The following ANKRD36B variants were observed in gnomAD, a reference collection of about 807,000 sequenced individuals.
ANKRD36B encodes the protein ankyrin repeat domain 36B.
In ANKRD36B, 37 loss-of-function variants were observed where a neutral mutation model predicts 135.7. The ratio of observed to expected loss-of-function variants is 0.27; its 90% CI spans 0.21 to 0.36. The LOEUF is 0.36. ANKRD36B is among the 10% of genes least tolerant of loss of function. The pLI is 1.00. For missense variants in ANKRD36B, 549 were observed against 1,037.1 expected, an observed-to-expected ratio of 0.53 and a Z score of 6.46; for synonymous variants, 179 against 348.1, an observed-to-expected ratio of 0.51 and a Z score of 5.41.
At chr2:97,586,550 A>G (rs1490040545) in intron 1 of ANKRD36B, among the ~76,000 whole-genome samples, 2 of 152,236 alleles carry the variant, frequency 1.3e-5, no homozygotes, top group African/African-American at 4.8e-5. Flanking sequence ...TGTCTGCTAC[A>G]TAATAGGTAT....
intron 5 of ANKRD36B, among the ~76,000 whole-genome samples, chr2:97,578,254 A>T (rs1230265423): frequency 1.3e-5 from 2 of 152,070 alleles, no homozygotes; most frequent in African/African-American, 4.8e-5. Flanking sequence ...AACAGTTGTA[A>T]CTTTGAAGCC....
chr2:97,536,260 G>A, intron 34 of ANKRD36B, 40 bp downstream of exon 34: 1 of 760,366 alleles, frequency 1.3e-6, no homozygotes, highest in Non-Finnish European at 2.1e-6. Flanking sequence ...ACAGATTAAT[G>A]TACTTCTTTC....
At chr2:97,571,784 T>A (rs1324247029) in intron 6 of ANKRD36B, among the ~76,000 whole-genome samples, 2 of 152,084 alleles carry the variant, frequency 1.3e-5, no homozygotes, top group Non-Finnish European at 1.5e-5. Flanking sequence ...GTTTCTAATC[T>A]TTTTTCTTAA....
intron 35 of ANKRD36B, among the ~76,000 whole-genome samples, chr2:97,526,739 G>A (rs1355487975): frequency 1.0e-5 from 1 of 97,258 alleles, no homozygotes; most frequent in Non-Finnish European, 2.7e-5. Context: ...GCGGAGGCTC[G>A]AGAACTACGT....
chr2:97,521,509 C>A (rs2077943679), intron 36 of ANKRD36B, among the ~76,000 whole-genome samples: 1 of 60,930 alleles, frequency 1.6e-5, no homozygotes, highest in Admixed American at 1.4e-4. Context: ...TTCATATTTA[C>A]CTTGTACACA....
chr2:97,545,021 C>T (rs2079336891), intron 24 of ANKRD36B, among the ~76,000 whole-genome samples: 1 of 95,064 alleles, frequency 1.1e-5, no homozygotes, highest in South Asian at 2.4e-4. Context: ...AGTAATGAGT[C>T]ACTGTGGTTT....
chr2:97,569,555 G>GGGT (rs1227845155), intron 6 of ANKRD36B, among the ~76,000 whole-genome samples: 1 of 150,894 alleles, frequency 6.6e-6, no homozygotes, highest in Admixed American at 6.6e-5. Context: ...TATGGACTTT[G>GGGT]GATGATTATG....
At chr2:97,553,023 T>C (rs1413233275) in intron 16 of ANKRD36B, 145 bp downstream of exon 16, 3 of 976,334 alleles carry the variant, frequency 3.1e-6, no homozygotes, top group Non-Finnish European at 3.1e-6. Context: ...CAATAATTTA[T>C]TACAAATGAA....
chr2:97,577,761 T>C (rs1189524000), intron 5 of ANKRD36B, among the ~76,000 whole-genome samples: 2 of 149,484 alleles, frequency 1.3e-5, no homozygotes, highest in East Asian at 2.0e-4. Context: ...TTTTATAAAC[T>C]TGAGATACTG....
At chr2:97,571,455 G>A (rs1240619308) in intron 6 of ANKRD36B, among the ~76,000 whole-genome samples, 1 of 152,040 alleles carries the variant, frequency 6.6e-6, no homozygotes, top group African/African-American at 2.4e-5. Flanking sequence ...AGACCATCCT[G>A]GCTAACACAG....
At chr2:97,560,496 A>G (rs1011407185) in intron 8 of ANKRD36B, among the ~76,000 whole-genome samples, 169 bp downstream of exon 8, 3 of 151,850 alleles carry the variant, frequency 2.0e-5, no homozygotes, top group African/African-American at 7.2e-5. Flanking sequence ...GATCATGACC[A>G]AGGACCAGCA....
In ANKRD36B at chr2:97,547,543, A is replaced by T; in HGVS notation, c.1572T>A (p.Thr524=). The T allele has an allele frequency of 6.5e-7, 1 of 1,542,708 alleles. No individual in the cohort carries two copies. The highest frequency in any genetic ancestry group is 8.9e-7 in the Non-Finnish European group (1 of 1,128,964). ...ATCTCTTTTCAAAATTACCTCTCCT[A>T]GTTTTTTCTCCATCTTTTTTTCCTC... ...IARGKKDGEK[T]RRVSSHKQPS... The change falls in exon 22 of 44, where the codon ACT becomes ACA. Residue 524 remains threonine, a synonymous_variant. Transcript: ENST00000359901.
intron 10 of ANKRD36B, among the ~76,000 whole-genome samples, chr2:97,557,616 G>A (rs1384309290): frequency 2.0e-5 from 3 of 151,794 alleles, no homozygotes; most frequent in Non-Finnish European, 4.4e-5. Context: ...CACTTTAGTA[G>A]AATGTACACT....
rs1341481274 is a variant in ANKRD36B, at chr2:97,584,929, T to C, written c.450+15A>G. The C allele has an allele frequency of 1.9e-6, 3 of 1,544,220 alleles. No individual in the cohort carries two copies. Among genetic ancestry groups the C allele is most frequent in the African/African-American group, 1.5e-5 (1 of 67,690 alleles). ...CATTTCAGATAGTTTGAAAATAACATTGGTTGACCTATACCTTGCTGCATT... is the reference window on the plus strand; with the variant it reads ...CATTTCAGATAGTTTGAAAATAACACTGGTTGACCTATACCTTGCTGCATT... On this transcript the variant is annotated intron_variant, in intron 3 of 43. Transcript: ENST00000359901.
chr2:97,541,786 T>C, intron 28 of ANKRD36B, 125 bp downstream of exon 28: 1 of 838,556 alleles, frequency 1.2e-6, no homozygotes, highest in Admixed American at 2.5e-5. Context: ...TTATTACAAA[T>C]GAAGAATCTC....
At position 97,585,313 on chromosome 2, in the gene ANKRD36B, C is replaced by T. The variant is rs750175150; in HGVS notation, c.247G>A (p.Asp83Asn). The T allele has an allele frequency of 5.1e-6, 8 of 1,575,804 alleles. No homozygotes were observed. The African/African-American group carries it at 1.1e-4, about 21-fold the overall frequency. ...VSRRCELNLCDREDRTPLIKA... is the reference protein window; with the variant it reads ...VSRRCELNLCNREDRTPLIKA... ...ATCAGAGGTGTCCTGTCTTCACGGT[C>T]GCAGAGGTTAAGCTCACATCTTCTG... The change falls in exon 2 of 44, where the codon GAC becomes AAC. Residue 83 changes from aspartate (D) to asparagine (N), a missense_variant. Asp to Asn is a conservative substitution (Grantham distance 23). Coordinates refer to ENST00000359901, the MANE Select transcript of ANKRD36B (RefSeq NM_001393939.1).
rs1174528561 is a variant in ANKRD36B, at chr2:97,530,280, C to A, written c.2265+2031G>T. Among the ~76,000 whole-genome samples, 4 of 94,872 alleles carry A rather than the reference C, an allele frequency of 4.2e-5. 1 individual carries two copies. Among genetic ancestry groups the A allele is most frequent in the Non-Finnish European group, 1.1e-4 (4 of 35,900 alleles). 62.2% of individuals were successfully genotyped at this position (94,872 alleles called of 152,430 possible). A position where few individuals can be genotyped will look rare whatever the true frequency, so the allele number is the denominator to read the frequency against. On this transcript the variant is annotated intron_variant, in intron 35 of 43. Coordinates refer to ENST00000359901, the MANE Select transcript of ANKRD36B (RefSeq NM_001393939.1). ...TCTACAACTATCTGATCTTTGACAA[C>A]CCTGAGAAAAACAAGCAACGGGGAA... is the stretch of plus-strand genomic sequence containing the variant.
intron 6 of ANKRD36B, among the ~76,000 whole-genome samples, chr2:97,564,786 T>C (rs1457144375): frequency 6.6e-6 from 1 of 152,198 alleles, no homozygotes; most frequent in African/African-American, 2.4e-5. Flanking sequence ...CCTTGTAGTA[T>C]AGTTTGAATC....
Position 97,557,140 on chromosome 2 carries a change from G to C in ANKRD36B, c.968-8C>G. On this transcript the variant is annotated splice_polypyrimidine_tract_variant and splice_region_variant and intron_variant, in intron 10 of 43. Transcript: ENST00000359901. ...ATTGTTTCTGAGGAGACACTGAAAA[G>C]TAAAAGAAATATATAATTCATCATA... The C allele has an allele frequency of 6.6e-7, 1 of 1,524,638 alleles. No homozygotes were observed. The highest frequency in any genetic ancestry group is 8.8e-7 in the Non-Finnish European group (1 of 1,133,922). The allele number at this position is 1,524,638 out of a possible 1,614,324, so 94.4% of individuals were successfully genotyped here. A position where few individuals can be genotyped will look rare whatever the true frequency, so the allele number is the denominator to read the frequency against.
Sources: gnomAD v4.1 joint callset for allele counts (sites outside exome capture counted in the v4.1 genomes callset) on GRCh38, gnomAD v4.1.1 for gene constraint, MANE v1.5 for transcripts, NCBI Gene and HGNC (gene_info 2026-07-23, HGNC 2026-07-21) for gene names.